PHC2: variants seen among roughly 807,000 people sequenced by gnomAD.
PHC2 encodes the protein polyhomeotic homolog 2.
A neutral mutation model predicts 87.4 loss-of-function variants in PHC2; 29 were observed. The observed-to-expected ratio is 0.33, with a 90% CI of 0.25 to 0.45. The LOEUF (loss-of-function observed/expected upper bound fraction) is 0.45. PHC2 is among the 20% of genes least tolerant of loss of function. The probability of loss-of-function intolerance (pLI) is 1.00; values close to 1 mark genes in which losing one functional copy is unlikely to be tolerated. For missense variants in PHC2, 857 were observed against 1,136.7 expected, an observed-to-expected ratio of 0.75 and a Z score of 3.54; for synonymous variants, 438 against 461.7, an observed-to-expected ratio of 0.95 and a Z score of 0.66.
chr1:33,407,929 C>A (rs1479276323), intron 1 of PHC2, among the ~76,000 whole-genome samples: 4 of 152,134 alleles, frequency 2.6e-5, no homozygotes, highest in Non-Finnish European at 4.4e-5. Context: ...TACCTGTGGT[C>A]AGGTTTCTGG....
rs755640737 is a variant in PHC2 at position 33,332,429 on chromosome 1, C to T, written c.1762-25G>A. 74 of 1,613,782 alleles carry T rather than the reference C, an allele frequency of 4.6e-5. 3 individuals carry two copies. In the South Asian group the frequency reaches 6.6e-4, roughly 14 times the overall value. ...CCTAGAGGACAGGTAACACGGAGGC[C>T]GTGAGGGTCAGGTGGGAGCGGCTTC... On this transcript the variant is annotated intron_variant, in intron 10 of 14. Transcript: ENST00000683057. The surrounding 1 kb of genome is among the most constrained non-coding windows in gnomAD (Gnocchi z 4.2).
chr1:33,413,873 G>T (rs908117093), intron 1 of PHC2, among the ~76,000 whole-genome samples: 5 of 152,116 alleles, frequency 3.3e-5, no homozygotes, highest in African/African-American at 1.2e-4. Context: ...GCCTCCTGTG[G>T]CCCAGAGTAC....
chr1:33,375,871 GGTCAGTTA>G (rs1490447198), intron 1 of PHC2, among the ~76,000 whole-genome samples: 1 of 152,162 alleles, frequency 6.6e-6, no homozygotes, highest in Admixed American at 6.6e-5. Flanking sequence ...GGAGGATGTG[GGTCAGTTA>G]TATGCAAATG....
At chr1:33,428,652 T>G (rs1283559064) in intron 1 of PHC2, among the ~76,000 whole-genome samples, 1 of 152,202 alleles carries the variant, frequency 6.6e-6, no homozygotes, top group Non-Finnish European at 1.5e-5. Flanking sequence ...AAATGGACTA[T>G]TTATAGTTCT....
intron 7 of PHC2, among the ~76,000 whole-genome samples, chr1:33,357,177 G>A (rs1570480223): frequency 6.6e-6 from 1 of 152,190 alleles, no homozygotes; most frequent in African/African-American, 2.4e-5. Context: ...GGCCACAGCT[G>A]GAGGCCCGCA....
At chr1:33,413,101 G>C (rs182996086) in intron 1 of PHC2, among the ~76,000 whole-genome samples, 2 of 152,232 alleles carry the variant, frequency 1.3e-5, no homozygotes, top group East Asian at 1.9e-4. Context: ...CAAGTAGCTG[G>C]GATTATAGGC....
chr1:33,329,641 T>TACCC (rs1646445604), intron 13 of PHC2, among the ~76,000 whole-genome samples: 1 of 152,276 alleles, frequency 6.6e-6, no homozygotes, highest in East Asian at 1.9e-4. Flanking sequence ...AATGACTGAA[T>TACCC]ACCCATGTTC....
chr1:33,386,557 G>A lies in PHC2; in HGVS notation c.-54-10964C>T, dbSNP rs147419961. ...CCCTATAAAAATCTTTTCAAGCTGG[G>A]TGTGGTGACGCACACCTGTAATCCC... On this transcript the variant is annotated intron_variant, in intron 1 of 14. Transcript: ENST00000683057. 3.0e-4 allele frequency among the ~76,000 whole-genome samples: 46 copies of A among 152,152 alleles called. 1 individual carries two copies. The highest frequency in any genetic ancestry group is 4.6e-4 in the Admixed American group (7 of 15,296).
intron 1 of PHC2, among the ~76,000 whole-genome samples, chr1:33,388,318 A>ATTTT (rs751211305): frequency 7.9e-6 from 1 of 126,106 alleles, no homozygotes. Context: ...AATGACAGCA[A>ATTTT]TTTTTTTTTT....
chr1:33,368,592 T>C lies in PHC2; in HGVS notation c.607A>G (p.Thr203Ala), dbSNP rs774486203. The C allele has an allele frequency of 6.4e-7, 1 of 1,551,010 alleles. No individual in the cohort carries two copies. Among genetic ancestry groups the C allele is most frequent in the South Asian group, 1.2e-5 (1 of 84,044 alleles). Residue 203 changes from threonine to alanine, a missense_variant, in exon 6 of 15, where the codon ACT becomes GCT. Around this residue, in one of 3 missense-constraint regions of PHC2, gnomAD observed 832 missense variants for 1,081.8 expected, o/e 0.77. Coordinates refer to ENST00000683057, the MANE Select transcript of PHC2 (RefSeq NM_001385109.1). This position sits in a 1 kb window ranked among gnomAD's most constrained non-coding sequence, Gnocchi z 6.6. The part of the protein sequence containing the change: ...LIFTPTATVA[T>A]VQPELGTGSP... ...CCAGTGCCGAGCTCAGGCTGCACAGTAGCGACGGTGGCCGTGGGCGTGAAG... is the reference window on the plus strand; with the variant it reads ...CCAGTGCCGAGCTCAGGCTGCACAGCAGCGACGGTGGCCGTGGGCGTGAAG...
At chr1:33,355,394 C>T in intron 7 of PHC2, 141 bp from the exon 8 acceptor site, 2 of 751,720 alleles carry the variant, frequency 2.7e-6, no homozygotes, top group Non-Finnish European at 4.2e-6. Context: ...CATTTTTCAC[C>T]CTGAGCCTGG....
intron 9 of PHC2, among the ~76,000 whole-genome samples, chr1:33,337,115 T>G (rs1178219945): frequency 6.6e-6 from 1 of 152,192 alleles, no homozygotes; most frequent in Admixed American, 6.5e-5. Flanking sequence ...GATGGCTATT[T>G]CCTCCCAATT....
At chr1:33,327,146 G>A (rs910101193) in intron 14 of PHC2, among the ~76,000 whole-genome samples, 3 of 152,222 alleles carry the variant, frequency 2.0e-5, no homozygotes, top group Middle Eastern at 3.4e-3. Flanking sequence ...AGCGGATTTC[G>A]GAACTGGAAT....
chr1:33,395,827 C>T (rs1649270937), intron 1 of PHC2, among the ~76,000 whole-genome samples: 1 of 152,114 alleles, frequency 6.6e-6, no homozygotes, highest in South Asian at 2.1e-4. Flanking sequence ...ACTATAGGGT[C>T]CCTAAATCTC....
chr1:33,346,770 G>A (rs921697014), intron 9 of PHC2: 7 of 985,260 alleles, frequency 7.1e-6, no homozygotes, highest in Admixed American at 6.1e-5. Flanking sequence ...CAGCCTAAAG[G>A]AGGACAGAGA....
At chr1:33,335,164 G>GCAA (rs1646600948) in intron 9 of PHC2, 1 of 983,420 alleles carries the variant, frequency 1.0e-6, no homozygotes, top group Non-Finnish European at 1.2e-6. Context: ...GAGATTACAT[G>GCAA]CCTATACACA....
chr1:33,410,961 T>G (rs1301000615), intron 1 of PHC2, among the ~76,000 whole-genome samples: 1 of 152,162 alleles, frequency 6.6e-6, no homozygotes, highest in African/African-American at 2.4e-5. Flanking sequence ...GGGGTCCTTG[T>G]TTTGTTTATC....
chr1:33,393,503 T>G (rs1272135099), intron 1 of PHC2, among the ~76,000 whole-genome samples: 1 of 144,068 alleles, frequency 6.9e-6, no homozygotes, highest in Non-Finnish European at 1.5e-5. Context: ...GTACTGAGCA[T>G]TTGATGTAAA....
intron 1 of PHC2, among the ~76,000 whole-genome samples, chr1:33,396,557 T>C (rs1212813352): frequency 6.6e-6 from 1 of 152,226 alleles, no homozygotes; most frequent in Non-Finnish European, 1.5e-5. Context: ...GCATATAAAT[T>C]AGCCATTTGG....
Sources: gnomAD v4.1 joint callset for allele counts (sites outside exome capture counted in the v4.1 genomes callset) on GRCh38, gnomAD v4.1.1 for gene constraint, gnomAD v4.1.1 regional missense constraint, Gnocchi (gnomAD v3.1) non-coding constraint, MANE v1.5 for transcripts, NCBI Gene and HGNC (gene_info 2026-07-23, HGNC 2026-07-21) for gene names.